Variants in RPH3A observed in about 807,000 individuals in gnomAD.
The protein encoded by RPH3A is rabphilin-3A.
RPH3A carries 48 observed loss-of-function variants against 102.2 expected under a neutral mutation model. The observed-to-expected ratio is 0.47, with a 90% CI of 0.37 to 0.60. The LOEUF (loss-of-function observed/expected upper bound fraction) is 0.60, where lower values mean the gene tolerates loss of function less well. Ranked by LOEUF, RPH3A falls within the 20% of genes least tolerant of loss-of-function variation. RPH3A has a pLI of 0.00. For synonymous variants in RPH3A, 310 were observed against 324.3 expected, an observed-to-expected ratio of 0.96 and a Z score of 0.47; for missense variants, 781 against 910.1, an observed-to-expected ratio of 0.86 and a Z score of 1.83.
intron 1 of RPH3A, among the ~76,000 whole-genome samples, chr12:112,704,070 T>A (rs2040411994): frequency 6.6e-6 from 1 of 151,914 alleles, no homozygotes; most frequent in South Asian, 2.1e-4. Context: ...CATTTCCTCC[T>A]ATCTTTTCTC....
chr12:112,833,300 C>T (rs2041998402), intron 3 of RPH3A, among the ~76,000 whole-genome samples: 1 of 152,212 alleles, frequency 6.6e-6, no homozygotes, highest in South Asian at 2.1e-4. Flanking sequence ...ATCATGTTGG[C>T]ATTTGAAATC....
At chr12:112,818,435 G>C (rs1489030801) in intron 2 of RPH3A, among the ~76,000 whole-genome samples, 1 of 151,938 alleles carries the variant, frequency 6.6e-6, no homozygotes. Flanking sequence ...GCATCATCAG[G>C]AATCAGTCTC....
intron 1 of RPH3A, among the ~76,000 whole-genome samples, chr12:112,731,870 C>T (rs765230724): frequency 3.9e-5 from 6 of 152,174 alleles, no homozygotes; most frequent in Non-Finnish European, 8.8e-5. Flanking sequence ...CTCCCTTTCT[C>T]TTGCCCAGTG....
intron 12 of RPH3A, among the ~76,000 whole-genome samples, 196 bp downstream of exon 12, chr12:112,875,937 T>G (rs886890339): frequency 6.6e-6 from 1 of 152,200 alleles, no homozygotes; most frequent in African/African-American, 2.4e-5. Context: ...CCAACACATA[T>G]AGTTTAGAGC....
In RPH3A at chr12:112,896,782, C is replaced by T. The variant is rs778700580; in HGVS notation, c.*2C>T. 6.2e-7 allele frequency: 1 copy of T among 1,613,870 alleles called. No homozygotes were observed. On this transcript the variant is annotated 3_prime_UTR_variant, in exon 22 of 22. Coordinates refer to ENST00000389385, the MANE Select transcript of RPH3A (RefSeq NM_001143854.2). ...GAGAACCACGTGTCAAGTGATTAGGCTAGTGCCCAGGTCCCCATCTCCATG... is the reference window on the plus strand; with the variant it reads ...GAGAACCACGTGTCAAGTGATTAGGTTAGTGCCCAGGTCCCCATCTCCATG...
intron 13 of RPH3A, among the ~76,000 whole-genome samples, chr12:112,877,646 A>G (rs1384445913): frequency 6.6e-6 from 1 of 152,172 alleles, no homozygotes; most frequent in African/African-American, 2.4e-5. Context: ...GACCAGCAAC[A>G]CGGCCTTGAC....
chr12:112,642,166 A>G (rs1376586755), intron 1 of RPH3A, among the ~76,000 whole-genome samples: 1 of 152,192 alleles, frequency 6.6e-6, no homozygotes, highest in East Asian at 1.9e-4. Flanking sequence ...AAATCCCTGC[A>G]TATGTAATTC....
chr12:112,887,749 T>A (rs1252799507), intron 16 of RPH3A, 48 bp from the exon 17 acceptor site: 1 of 1,598,396 alleles, frequency 6.3e-7, no homozygotes, highest in Middle Eastern at 1.7e-4. Context: ...CAGTGGTGTC[T>A]TAATATTTGT....
intron 1 of RPH3A, among the ~76,000 whole-genome samples, chr12:112,670,397 G>T (rs2040119151): frequency 6.6e-6 from 1 of 152,066 alleles, no homozygotes; most frequent in Non-Finnish European, 1.5e-5. Flanking sequence ...TGGCCAGGCT[G>T]GTCTCGAACT....
At chr12:112,800,653 G>A (rs1253011997) in intron 2 of RPH3A, among the ~76,000 whole-genome samples, 1 of 152,196 alleles carries the variant, frequency 6.6e-6, no homozygotes, top group Admixed American at 6.5e-5. Context: ...TGGTAGCAGA[G>A]AAGAAGGTGG....
Position 112,709,168 on chromosome 12 carries a change from A to G in RPH3A, c.-139-82975A>G, listed in dbSNP as rs188304645. On this transcript the variant is annotated intron_variant, in intron 1 of 21. Coordinates refer to the RPH3A transcript ENST00000543106. ...ACAGACCTGCTAGAACATCTGCCAC[A>G]CTAGGTGTTGAAAAAGTGAGCTGTT... Among the ~76,000 whole-genome samples, 353 of 152,328 alleles carry G rather than the reference A, an allele frequency of 2.3e-3. 1 individual carries two copies. The highest frequency in any genetic ancestry group is 3.0e-3 in the Non-Finnish European group (205 of 68,028).
At chr12:112,686,310 G>T (rs750292485) in intron 1 of RPH3A, among the ~76,000 whole-genome samples, 3 of 152,102 alleles carry the variant, frequency 2.0e-5, no homozygotes, top group Non-Finnish European at 4.4e-5. Context: ...TGTAAAAAAT[G>T]ATCCAAATGA....
intron 1 of RPH3A, among the ~76,000 whole-genome samples, chr12:112,685,098 G>C (rs563914273): frequency 4.6e-5 from 7 of 152,190 alleles, no homozygotes; most frequent in South Asian, 4.2e-4. Flanking sequence ...CACCATGCCT[G>C]GTTAATTCTT....
chr12:112,634,895 G>A (rs2039837395), intron 1 of RPH3A, among the ~76,000 whole-genome samples: 1 of 152,186 alleles, frequency 6.6e-6, no homozygotes, highest in Non-Finnish European at 1.5e-5. Flanking sequence ...GGGAGGAGGT[G>A]AAAATATTTA....
In RPH3A at chr12:112,896,644, C is replaced by T. The variant is rs2043183362; in HGVS notation, c.1955-6C>T. ...ACCTGCTCCTATCTTCCCATTTATC[C>T]TCCAGGAGGCTGCCAGCTGGGGATC... On this transcript the variant is annotated splice_region_variant and splice_polypyrimidine_tract_variant and intron_variant, in intron 21 of 21. Coordinates refer to ENST00000389385, the MANE Select transcript of RPH3A (RefSeq NM_001143854.2). 6.2e-7 allele frequency: 1 copy of T among 1,613,954 alleles called. No homozygotes were observed. The highest frequency in any genetic ancestry group is 8.5e-7 in the Non-Finnish European group (1 of 1,179,964).
intron 1 of RPH3A, among the ~76,000 whole-genome samples, chr12:112,769,559 C>T (rs1164987701): frequency 6.6e-6 from 1 of 152,236 alleles, no homozygotes; most frequent in Non-Finnish European, 1.5e-5. Context: ...TTTATCTCCT[C>T]ATTGGTGTCT....
intron 1 of RPH3A, among the ~76,000 whole-genome samples, chr12:112,743,696 AG>A (rs371864893): frequency 1.4e-3 from 219 of 152,144 alleles, no homozygotes; most frequent in African/African-American, 5.2e-3. Flanking sequence ...TTTCCCCCCA[AG>A]GGCAATAGGG....
At chr12:112,584,805 C>T (rs569073962) in intron 1 of RPH3A, among the ~76,000 whole-genome samples, 6 of 152,200 alleles carry the variant, frequency 3.9e-5, no homozygotes, top group African/African-American at 1.4e-4. Flanking sequence ...TGCACGTGTG[C>T]AGAGGGACGG....
chr12:112,775,149 C>A (rs1565877078), intron 1 of RPH3A, among the ~76,000 whole-genome samples: 1 of 152,000 alleles, frequency 6.6e-6, no homozygotes, highest in Non-Finnish European at 1.5e-5. Context: ...TGCAGTAAAC[C>A]ATTATGGCCC....
Sources: gnomAD v4.1 joint callset for allele counts (sites outside exome capture counted in the v4.1 genomes callset) on GRCh38, gnomAD v4.1.1 for gene constraint, MANE v1.5 for transcripts, NCBI Gene and HGNC (gene_info 2026-07-23, HGNC 2026-07-21) for gene names.